Variants in TAP2 observed in about 807,000 individuals in gnomAD.
TAP2 encodes transporter 2, ATP binding cassette subfamily B member, also known as antigen peptide transporter 2.
Under a neutral mutation model 74.7 loss-of-function variants are expected in TAP2, and 49 were observed. The observed-to-expected ratio is 0.66, with a 90% confidence interval of 0.52 to 0.83. The LOEUF is 0.83. Among genes scored for constraint, TAP2 ranks in the 40% least tolerant of loss-of-function variants. The probability of loss-of-function intolerance (pLI) is 0.00; values close to 1 mark genes in which losing one functional copy is unlikely to be tolerated. For synonymous variants in TAP2, 306 were observed against 368.4 expected (o/e 0.83, Z 1.94); for missense variants, 739 against 859.0 (o/e 0.86, Z 1.75).
chr6:32,830,900 T>A, intron 7 of TAP2, 94 bp from the exon 8 acceptor site: 1 of 1,066,328 alleles, frequency 9.4e-7, no homozygotes, highest in Non-Finnish European at 1.4e-6. Flanking sequence ...ACAACTGCAC[T>A]GCTCCTCCTC....
chr6:32,825,851 C>G lies in TAP2; in HGVS notation c.*3055G>C. On this transcript the variant is annotated 3_prime_UTR_variant, in exon 12 of 12. Coordinates refer to ENST00000374897, the MANE Select transcript of TAP2 (RefSeq NM_001290043.2). The stretch of plus-strand genomic sequence containing the variant: ...GGCAAGTTAGTAAATGTTTCTAAAA[C>G]TCCATTTTCTCACTCTTAGAATTGA... 2.1e-6 allele frequency: 1 copy of G among 483,200 alleles called. No homozygotes were observed. The allele number at this position is 483,200 out of a possible 1,614,324, so 29.9% of individuals were successfully genotyped here.
rs776293446 is a variant in TAP2, at chr6:32,838,210, G to A, written c.24C>T (p.Pro8=). 6.3e-6 allele frequency: 10 copies of A among 1,585,258 alleles called. No homozygotes were observed. In the East Asian group the frequency reaches 1.3e-4, roughly 21 times the overall value. Residue 8 remains proline, a synonymous_variant, in exon 2 of 12, where the codon CCC becomes CCT. Transcript: ENST00000374897. ...CGTCCACCAGCAGCAGGGAGGTCCA[G>A]GGTCTCAGGTCAGGGAGCCGCATGG... MRLPDLR[P]WTSLLLVDAA...
Position 32,828,604 on chromosome 6 carries a change from T to A in TAP2, c.*302A>T. On this transcript the variant is annotated 3_prime_UTR_variant, in exon 12 of 12. Transcript: ENST00000374897. ...AAAATATTTTAAAATATATGTATTATGCCACAAAATACTCCTCATCACCAG... is the reference window on the plus strand; with the variant it reads ...AAAATATTTTAAAATATATGTATTAAGCCACAAAATACTCCTCATCACCAG... 9.2e-7 allele frequency: 1 copy of A among 1,089,430 alleles called. No individual in the cohort carries two copies. Among genetic ancestry groups the A allele is most frequent in the Non-Finnish European group, 1.1e-6 (1 of 894,020 alleles). The allele number at this position is 1,089,430 out of a possible 1,614,324, so 67.5% of individuals were successfully genotyped here.
Position 32,837,984 on chromosome 6 carries a change from C to T in TAP2, c.250G>A (p.Ala84Thr). The T allele has an allele frequency of 6.2e-7, 1 of 1,612,638 alleles. No homozygotes were observed. Among genetic ancestry groups the T allele is most frequent in the Non-Finnish European group, 8.5e-7 (1 of 1,179,858 alleles). Residue 84 changes from alanine (A) to threonine (T), a missense_variant, in exon 2 of 12, where the codon GCG becomes ACG. By Grantham distance (58) the Ala-to-Thr change is moderately conservative (BLOSUM62 0). Coordinates refer to ENST00000374897, the MANE Select transcript of TAP2 (RefSeq NM_001290043.2). ...PLTVSLRALVAGASRAPPARV... is the reference protein window; with the variant it reads ...PLTVSLRALVTGASRAPPARV... ...GCTGGGGGAGCACGTGAGGCCCCCG[C>T]GACCAGGGCTCTCAGGGAGACAGTC...
intron 7 of TAP2, among the ~76,000 whole-genome samples, chr6:32,831,665 C>T: frequency 6.6e-6 from 1 of 152,192 alleles, no homozygotes; most frequent in East Asian, 1.9e-4. Context: ...CCCTAAGAAA[C>T]TCCACAGGAC....
rs1184772046 is a variant in TAP2 at position 32,837,769 on chromosome 6, G to C, written c.465C>G (p.Ala155=). 6.2e-7 allele frequency: 1 copy of C among 1,614,192 alleles called. No homozygotes were observed. The highest frequency in any genetic ancestry group is 1.1e-5 in the South Asian group (1 of 91,080). The change falls in exon 2 of 12, where the codon GCC becomes GCG. Residue 155 remains alanine, a synonymous_variant. Transcript: ENST00000374897. ...AAACAGCAAGGACAAGGAAGAAGAA[G>C]GCGGCAACGAGGAGAGGCAGGTCCG... The part of the protein sequence containing the change: ...SRPDLPLLVA[A]FFFLVLAVLG...
At position 32,837,855 on chromosome 6, in the gene TAP2, T is replaced by G; in HGVS notation, c.379A>C (p.Lys127Gln). 2 of 1,613,160 alleles carry G rather than the reference T, an allele frequency of 1.2e-6. No individual in the cohort carries two copies. Among genetic ancestry groups the G allele is most frequent in the South Asian group, 1.1e-5 (1 of 91,058 alleles). The change falls in exon 2 of 12, where the codon AAG (lysine) becomes CAG (glutamine). Residue 127 changes from lysine (K) to glutamine (Q), a missense_variant. Coordinates refer to ENST00000374897, the MANE Select transcript of TAP2 (RefSeq NM_001290043.2). ...AVLSPPGAQE[K>Q]EQDQVNNKVL... is the part of the protein sequence containing the mutation. ...TTGTTGTTCACCTGGTCCTGCTCCT[T>G]CTCCTGGGCTCCAGGAGGGCTCAGA...
Position 32,829,985 on chromosome 6 carries a change from G to C in TAP2, c.1740C>G (p.Ala580=), listed in dbSNP as rs199892841. 172 of 1,612,930 alleles carry C rather than the reference G, an allele frequency of 1.1e-4. 1 individual carries two copies. The highest frequency in any genetic ancestry group is 1.4e-4 in the Non-Finnish European group (163 of 1,180,024). Residue 580 remains alanine (A), a synonymous_variant, in exon 10 of 12, where the codon GCC becomes GCG. Coordinates refer to ENST00000374897, the MANE Select transcript of TAP2 (RefSeq NM_001290043.2). ...TGAAGTCATCTGCGTGGGCAGCCTG[G>C]GCAGCCGCCATCACCTTATCATCTT... ...SCEDDKVMAA[A]QAAHADDFIQ...
intron 7 of TAP2, among the ~76,000 whole-genome samples, chr6:32,831,131 G>C (rs1282766317): frequency 6.6e-6 from 1 of 152,128 alleles, no homozygotes; most frequent in Non-Finnish European, 1.5e-5. Context: ...TTAAATGCAG[G>C]CACTGTGCCC....
At position 32,837,915 on chromosome 6, in the gene TAP2, C is replaced by G. The variant is rs2072743625; in HGVS notation, c.319G>C (p.Gly107Arg). Residue 107 changes from glycine to arginine, a missense_variant, in exon 2 of 12, where the codon GGG (glycine) becomes CGG (arginine). Gly to Arg is a moderately radical substitution (Grantham distance 125). Coordinates refer to ENST00000374897, the MANE Select transcript of TAP2 (RefSeq NM_001290043.2). ...APWSWLLVGYGAAGLSWSLWA... is the reference protein window; with the variant it reads ...APWSWLLVGYRAAGLSWSLWA... The stretch of plus-strand genomic sequence containing the variant: ...AGTGACCAGCTGAGCCCCGCAGCCC[C>G]GTACCCCACCAGCAGCCAGCTCCAA... 1.9e-6 allele frequency: 3 copies of G among 1,612,976 alleles called. No homozygotes were observed. Among genetic ancestry groups the G allele is most frequent in the Non-Finnish European group, 2.5e-6 (3 of 1,179,994 alleles).
Position 32,827,111 on chromosome 6 carries a change from G to A in TAP2, c.*1795C>T, listed in dbSNP as rs2127348654. The stretch of plus-strand genomic sequence containing the variant: ...TCACTGCACCCTGCTCCCAACAGCT[G>A]CCAGGCAAGAAAAAATCCAAAACAG... On this transcript the variant is annotated 3_prime_UTR_variant, in exon 12 of 12. Coordinates refer to ENST00000374897, the MANE Select transcript of TAP2 (RefSeq NM_001290043.2). 1.0e-6 allele frequency: 1 copy of A among 985,740 alleles called. No homozygotes were observed. Among genetic ancestry groups the A allele is most frequent in the South Asian group, 4.7e-5 (1 of 21,276 alleles). 61.1% of individuals were successfully genotyped at this position (985,740 alleles called of 1,614,324 possible). A position where few individuals can be genotyped will look rare whatever the true frequency, so the allele number is the denominator to read the frequency against.
At chr6:32,836,472 C>G (rs768118445) in intron 3 of TAP2, among the ~76,000 whole-genome samples, 10 of 152,226 alleles carry the variant, frequency 6.6e-5, no homozygotes, top group Non-Finnish European at 1.2e-4. Context: ...AGGGTTTGTA[C>G]TTTAATGACA....
chr6:32,836,293 T>G (rs241428), intron 3 of TAP2, among the ~76,000 whole-genome samples: 6,805 of 152,324 alleles, frequency 0.045, 193 homozygotes, highest in Admixed American at 0.065. Context: ...ATTCCCATCT[T>G]TCATCCTTCG....
intron 5 of TAP2, among the ~76,000 whole-genome samples, chr6:32,833,985 C>A (rs1769253989): frequency 6.6e-6 from 1 of 152,192 alleles, no homozygotes; most frequent in Non-Finnish European, 1.5e-5. Flanking sequence ...GTCTTCCCAG[C>A]CACATGGAAC....
chr6:32,837,384 A>G (rs1769484785), intron 3 of TAP2, among the ~76,000 whole-genome samples, 153 bp downstream of exon 3: 1 of 152,192 alleles, frequency 6.6e-6, no homozygotes, highest in Non-Finnish European at 1.5e-5. Context: ...AAATGAATGG[A>G]TAGATGAAAC....
chr6:32,838,553 T>G lies in TAP2; in HGVS notation c.-5+100A>C, dbSNP rs1028314648. The stretch of plus-strand genomic sequence containing the variant: ...GTGGTCCGGGCTCCGCTCCCTCCTA[T>G]CGCCGGGTGCAGAGGGACTGGGAAG... On this transcript the variant is annotated intron_variant, in intron 1 of 11. Coordinates refer to ENST00000374897, the MANE Select transcript of TAP2 (RefSeq NM_001290043.2). 3 of 321,222 alleles carry G rather than the reference T, an allele frequency of 9.3e-6. No individual in the cohort carries two copies. The Admixed American group carries it at 1.4e-4, about 15-fold the overall frequency. The allele number at this position is 321,222 out of a possible 1,614,324, so 19.9% of individuals were successfully genotyped here.
chr6:32,827,267 GC>G lies in TAP2; in HGVS notation c.*1638del. 1 of 985,436 alleles carries G rather than the reference GC, an allele frequency of 1.0e-6. No individual in the cohort carries two copies. The highest frequency in any genetic ancestry group is 1.2e-6 in the Non-Finnish European group (1 of 829,932). 61.0% of individuals were successfully genotyped at this position (985,436 alleles called of 1,614,324 possible). A position where few individuals can be genotyped will look rare whatever the true frequency, so the allele number is the denominator to read the frequency against. On this transcript the variant is annotated 3_prime_UTR_variant, in exon 12 of 12. Transcript: ENST00000374897. ...AACAACCAGTGATGTGTACAATGTT[GC>G]ATTTTCAGTGGTGGGAGTGGGCAGG...
chr6:32,825,864 C>G lies in TAP2; in HGVS notation c.*3042G>C, dbSNP rs73738921. On this transcript the variant is annotated 3_prime_UTR_variant, in exon 12 of 12. Transcript: ENST00000374897. The stretch of plus-strand genomic sequence containing the variant: ...ATGTTTCTAAAACTCCATTTTCTCA[C>G]TCTTAGAATTGAGATAGTAATACCT... 0.033 allele frequency: 18,073 copies of G among 553,702 alleles called. 840 individuals are homozygous for G. Among genetic ancestry groups the G allele is most frequent in the African/African-American group, 0.17 (8,435 of 48,354 alleles). The allele number at this position is 553,702 out of a possible 1,614,324, so 34.3% of individuals were successfully genotyped here.
At position 32,835,804 on chromosome 6, in the gene TAP2, G is replaced by T. The variant is rs1390356519; in HGVS notation, c.609-31C>A. 6.2e-7 allele frequency: 1 copy of T among 1,612,952 alleles called. No individual in the cohort carries two copies. The highest frequency in any genetic ancestry group is 8.5e-7 in the Non-Finnish European group (1 of 1,179,918). Reference sequence around the variant, plus strand: ...GGGTAGGAGAATAAGAGGGGAGGGAGATGCAGAGAAGGAGCAAGCCAGCGG... The same window carrying T: ...GGGTAGGAGAATAAGAGGGGAGGGATATGCAGAGAAGGAGCAAGCCAGCGG... On this transcript the variant is annotated intron_variant, in intron 3 of 11. Transcript: ENST00000374897. This position sits in a 1 kb window ranked among gnomAD's most constrained non-coding sequence, Gnocchi z 4.0.
Sources: allele counts gnomAD v4.1 joint callset (sites outside exome capture counted in the v4.1 genomes callset), GRCh38; gene constraint gnomAD v4.1.1; non-coding constraint Gnocchi (gnomAD v3.1); transcripts MANE v1.5; gene names NCBI Gene and HGNC (gene_info 2026-07-23, HGNC 2026-07-21).